Variants in FER observed in about 807,000 individuals in gnomAD.
FER encodes tyrosine-protein kinase Fer.
A neutral mutation model predicts 111.0 loss-of-function variants in FER; 63 were observed. That is an observed-to-expected ratio of 0.57 (90% CI 0.46 to 0.70). The LOEUF is 0.70. Ranked by LOEUF, FER falls within the 30% of genes least tolerant of loss-of-function variation. FER has a pLI of 0.00. For synonymous variants in FER, 327 were observed against 313.9 expected, an observed-to-expected ratio of 1.04 and a Z score of -0.44; for missense variants, 914 against 954.0, an observed-to-expected ratio of 0.96 and a Z score of 0.55.
intron 13 of FER, among the ~76,000 whole-genome samples, chr5:108,972,442 T>G (rs1274350987): frequency 6.6e-6 from 1 of 152,206 alleles, no homozygotes; most frequent in African/African-American, 2.4e-5. Flanking sequence ...CCATCTTCAT[T>G]ATTAGTCTCC....
At position 108,897,678 on chromosome 5, in the gene FER, CA is replaced by C. The variant is rs1453186363; in HGVS notation, c.1071del (p.Lys357AsnfsTer7). ...TTTTAGTATTGTGCTTCTGCTAAGCCAAAAACAGGCACTTGAAGAACTGAAA... is the reference window on the plus strand; with the variant it reads ...TTTTAGTATTGTGCTTCTGCTAAGCCAAAACAGGCACTTGAAGAACTGAAA... ...KKSDIVLLLS[Q>X]KQALEELKQS... is the part of the protein sequence containing the mutation. On this transcript the variant is annotated frameshift_variant, in exon 10 of 20. Coordinates refer to ENST00000281092, the MANE Select transcript of FER (RefSeq NM_005246.4). LOFTEE classifies it high-confidence loss of function. The C allele has an allele frequency of 3.8e-6, 6 of 1,595,764 alleles. No individual in the cohort carries two copies. Among genetic ancestry groups the C allele is most frequent in the Admixed American group, 1.8e-5 (1 of 56,396 alleles).
chr5:108,862,264 T>C (rs1263620299), intron 5 of FER, among the ~76,000 whole-genome samples: 1 of 152,206 alleles, frequency 6.6e-6, no homozygotes, highest in Middle Eastern at 3.2e-3. Context: ...CTGTTTGTCA[T>C]ATACTATATT....
chr5:108,788,864 G>T (rs10477934), intron 2 of FER, among the ~76,000 whole-genome samples: 36,054 of 152,064 alleles, frequency 0.24, 4,485 homozygotes, highest in African/African-American at 0.31. Flanking sequence ...CATGATTATT[G>T]ATTTCTAAAG....
chr5:109,017,518 C>A (rs1048919938), intron 13 of FER, among the ~76,000 whole-genome samples: 1 of 151,862 alleles, frequency 6.6e-6, no homozygotes, highest in African/African-American at 2.4e-5. Context: ...CACAGTCTTT[C>A]TGTTATTCAT....
chr5:109,060,639 G>A (rs566562659), intron 16 of FER, among the ~76,000 whole-genome samples: 1 of 151,934 alleles, frequency 6.6e-6, no homozygotes, highest in Non-Finnish European at 1.5e-5. Flanking sequence ...AGCTGAGATT[G>A]CATCACTGCA....
intron 16 of FER, among the ~76,000 whole-genome samples, chr5:109,096,366 G>T (rs1047019535): frequency 6.6e-6 from 1 of 152,036 alleles, no homozygotes; most frequent in Non-Finnish European, 1.5e-5. Context: ...TGCTAATACA[G>T]AAGATGTATA....
chr5:108,816,246 ATAAC>A (rs754089372), intron 3 of FER, among the ~76,000 whole-genome samples: 21 of 152,260 alleles, frequency 1.4e-4, no homozygotes, highest in Admixed American at 2.6e-4. Context: ...GCAGAAAACT[ATAAC>A]TAGCTTAACC....
At chr5:108,986,921 A>T (rs560105097) in intron 13 of FER, among the ~76,000 whole-genome samples, 33 of 151,902 alleles carry the variant, frequency 2.2e-4, no homozygotes, top group Middle Eastern at 6.8e-3. Context: ...TGTTTTGTCA[A>T]TGACGGTTCT....
chr5:108,978,136 G>A lies in FER; in HGVS notation c.1656+18789G>A, dbSNP rs528601925. 3.3e-5 allele frequency among the ~76,000 whole-genome samples: 5 copies of A among 152,304 alleles called. No homozygotes were observed. The South Asian group carries it at 8.3e-4, about 25-fold the overall frequency. On this transcript the variant is annotated intron_variant, in intron 13 of 19. Coordinates refer to ENST00000281092, the MANE Select transcript of FER (RefSeq NM_005246.4). ...GCTGGTATTACAGGCATGAGCCATC[G>A]TGCCTAGCTAACTCCTGTTTCTCTT...
At chr5:109,129,418 A>G (rs571034826) in intron 17 of FER, among the ~76,000 whole-genome samples, 22 of 152,132 alleles carry the variant, frequency 1.4e-4, no homozygotes, top group Middle Eastern at 3.4e-3. Context: ...CTAAAATGGT[A>G]TATTGAAGTC....
chr5:108,877,286 T>C (rs551082567), intron 8 of FER, among the ~76,000 whole-genome samples: 2 of 152,312 alleles, frequency 1.3e-5, no homozygotes, highest in African/African-American at 4.8e-5. Context: ...GGGAATACTT[T>C]AAGAGTGAGT....
chr5:108,890,194 T>C (rs1206488504), intron 9 of FER, among the ~76,000 whole-genome samples: 1 of 152,096 alleles, frequency 6.6e-6, no homozygotes. Context: ...TGTAACCTTT[T>C]GGCATTGGCT....
intron 17 of FER, among the ~76,000 whole-genome samples, chr5:109,157,409 A>G: frequency 6.6e-6 from 1 of 152,080 alleles, no homozygotes; most frequent in Non-Finnish European, 1.5e-5. Flanking sequence ...TTGCTCTGTC[A>G]TGCCTGGACT....
chr5:108,811,321 A>G (rs980738982), intron 3 of FER, among the ~76,000 whole-genome samples: 2 of 152,204 alleles, frequency 1.3e-5, no homozygotes, highest in African/African-American at 4.8e-5. Flanking sequence ...ATGTTATATT[A>G]CTTAATTTTC....
chr5:108,790,021 T>G (rs1387172097), intron 2 of FER, among the ~76,000 whole-genome samples: 3 of 152,176 alleles, frequency 2.0e-5, no homozygotes, highest in Non-Finnish European at 2.9e-5. Flanking sequence ...AGATACAGTT[T>G]TTTTTAAAAA....
chr5:108,962,276 A>T (rs2149675150), intron 13 of FER, among the ~76,000 whole-genome samples: 1 of 152,320 alleles, frequency 6.6e-6, no homozygotes, highest in African/African-American at 2.4e-5. Context: ...AAGAGGGGTT[A>T]TTAATCACCC....
chr5:108,810,927 C>T (rs1286116051), intron 3 of FER, among the ~76,000 whole-genome samples: 2 of 151,820 alleles, frequency 1.3e-5, no homozygotes, highest in Non-Finnish European at 2.9e-5. Flanking sequence ...TCTTTGAATG[C>T]CTGGAGACCT....
intron 10 of FER, among the ~76,000 whole-genome samples, chr5:108,935,998 G>A (rs912702737): frequency 6.6e-6 from 1 of 151,992 alleles, no homozygotes; most frequent in East Asian, 1.9e-4. Flanking sequence ...TCTGTGTCTT[G>A]CAAGAACTAT....
At chr5:109,069,893 G>A (rs1216178437) in intron 16 of FER, among the ~76,000 whole-genome samples, 2 of 152,008 alleles carry the variant, frequency 1.3e-5, no homozygotes, top group African/African-American at 4.8e-5. Flanking sequence ...TTTGTTATTG[G>A]TTTGTAATTC....
Sources: gnomAD v4.1 joint callset for allele counts (sites outside exome capture counted in the v4.1 genomes callset) on GRCh38, gnomAD v4.1.1 for gene constraint, MANE v1.5 for transcripts, NCBI Gene and HGNC (gene_info 2026-07-23, HGNC 2026-07-21) for gene names.